The following ANKRD13A variants were observed in gnomAD, a reference collection of about 807,000 sequenced individuals.
ANKRD13A encodes ankyrin repeat domain-containing protein 13A.
In ANKRD13A, 48 loss-of-function variants were observed where a neutral mutation model predicts 81.3. The ratio of observed to expected loss-of-function variants is 0.59; its 90% CI spans 0.47 to 0.75. ANKRD13A has a LOEUF of 0.75. Among genes scored for constraint, ANKRD13A ranks in the 30% least tolerant of loss-of-function variants. The probability of loss-of-function intolerance (pLI) is 0.00; values close to 1 mark genes in which losing one functional copy is unlikely to be tolerated. For missense variants in ANKRD13A, 612 were observed against 734.0 expected (o/e 0.83, Z 1.92); for synonymous variants, 230 against 270.1 (o/e 0.85, Z 1.45).
At position 110,030,238 on chromosome 12, in the gene ANKRD13A, CT is replaced by C. The variant is rs574190431; in HGVS notation, c.1235-406del. ...CTGGAATGAAGTGGCATGATCTTGG[CT>C]CACTGCAACCTCTGCCTCCTGGGTT... On this transcript the variant is annotated intron_variant, in intron 11 of 14. Coordinates refer to ENST00000261739, the MANE Select transcript of ANKRD13A (RefSeq NM_033121.2). Among the ~76,000 whole-genome samples, 390 of 151,870 alleles carry C rather than the reference CT, an allele frequency of 2.6e-3. 4 individuals are homozygous for C. Among genetic ancestry groups the C allele is most frequent in the African/African-American group, 5.9e-3 (244 of 41,420 alleles).
chr12:110,028,433 C>T lies in ANKRD13A; in HGVS notation c.946-79C>T. 5 of 1,558,034 alleles carry T rather than the reference C, an allele frequency of 3.2e-6. No individual in the cohort carries two copies. In the South Asian group the frequency reaches 5.8e-5, roughly 18 times the overall value. On this transcript the variant is annotated intron_variant, in intron 9 of 14. Transcript: ENST00000261739. ...GTCTTTAGCTGGTTAACACGTCCAC[C>T]TCAGACACTGAGTGCCACAGGCCTT...
chr12:110,011,926 C>G (rs1890544329), intron 1 of ANKRD13A, 79 bp from the exon 2 acceptor site: 4 of 1,391,994 alleles, frequency 2.9e-6, no homozygotes, highest in Non-Finnish European at 3.9e-6. Context: ...ATTTTTTGTA[C>G]TTGAAATATC....
At chr12:110,029,452 A>C in intron 10 of ANKRD13A, 26 bp from the exon 11 acceptor site, 1 of 1,600,382 alleles carries the variant, frequency 6.2e-7, no homozygotes, top group South Asian at 1.1e-5. Flanking sequence ...AGATGACCTC[A>C]GTCTTTTCTT....
At chr12:110,028,359 C>A in intron 9 of ANKRD13A, 153 bp from the exon 10 acceptor site, 1 of 715,142 alleles carries the variant, frequency 1.4e-6, no homozygotes, top group Non-Finnish European at 2.3e-6. Flanking sequence ...GTGATATCCT[C>A]ATAGATTTTC....
At position 110,028,582 on chromosome 12, in the gene ANKRD13A, A is replaced by G; in HGVS notation, c.1016A>G (p.Glu339Gly). The change falls in exon 10 of 15, where the codon GAG (glutamate) becomes GGG (glycine). Residue 339 changes from glutamate (E) to glycine (G), a missense_variant. Coordinates refer to ENST00000261739, the MANE Select transcript of ANKRD13A (RefSeq NM_033121.2). Reference sequence around the variant, plus strand: ...ACGCCTGATGAGTACTTCAATGAAGAGTTTGATCTGAAAGACAGGGACATT... The same window carrying G: ...ACGCCTGATGAGTACTTCAATGAAGGGTTTGATCTGAAAGACAGGGACATT... ...AITPDEYFNEEFDLKDRDIGR... is the reference protein window; with the variant it reads ...AITPDEYFNEGFDLKDRDIGR... The G allele has an allele frequency of 1.2e-6, 2 of 1,614,226 alleles. No individual in the cohort carries two copies. Among genetic ancestry groups the G allele is most frequent in the African/African-American group, 2.7e-5 (2 of 75,066 alleles).
At chr12:110,033,202 C>T (rs1236399314) in intron 12 of ANKRD13A, among the ~76,000 whole-genome samples, 6 of 150,678 alleles carry the variant, frequency 4.0e-5, no homozygotes, top group East Asian at 1.9e-4. Context: ...TACAGGTGCC[C>T]GCCACCACGC....
rs569415403 is a variant in ANKRD13A, at chr12:110,030,963, C to T, written c.1348+205C>T. On this transcript the variant is annotated intron_variant, in intron 12 of 14. Coordinates refer to ENST00000261739, the MANE Select transcript of ANKRD13A (RefSeq NM_033121.2). Reference sequence around the variant, plus strand: ...TACAAAAATTAGCCGGGTGTGGTGGCGCATGCCTGTAATCCCAGCTACTCG... The same window carrying T: ...TACAAAAATTAGCCGGGTGTGGTGGTGCATGCCTGTAATCCCAGCTACTCG... Among the ~76,000 whole-genome samples, 37 of 151,932 alleles carry T rather than the reference C, an allele frequency of 2.4e-4. No individual in the cohort carries two copies. In the East Asian group the frequency reaches 3.9e-3, roughly 16 times the overall value.
chr12:110,012,284 G>A (rs1890570335), intron 2 of ANKRD13A, 147 bp downstream of exon 2: 1 of 896,750 alleles, frequency 1.1e-6, no homozygotes, highest in African/African-American at 1.7e-5. Flanking sequence ...AGGATCACCT[G>A]AGCCCGGGGA....
At chr12:110,009,270 G>GGGGTT (rs935786844) in intron 1 of ANKRD13A, among the ~76,000 whole-genome samples, 30 of 152,102 alleles carry the variant, frequency 2.0e-4, no homozygotes, top group African/African-American at 7.0e-4. Context: ...TAGTAGAGAC[G>GGGGTT]GGGTTTCTCC....
chr12:110,029,027 C>T (rs1025962371), intron 10 of ANKRD13A: 5 of 180,980 alleles, frequency 2.8e-5, no homozygotes, highest in Admixed American at 1.1e-4. Flanking sequence ...TGAGCCACTG[C>T]GCCCAGCCTC....
Position 110,028,542 on chromosome 12 carries a change from A to C in ANKRD13A, c.976A>C (p.Asn326His), listed in dbSNP as rs771811225. 1.4e-5 allele frequency: 22 copies of C among 1,614,178 alleles called. No individual in the cohort carries two copies. The highest frequency in any genetic ancestry group is 1.8e-5 in the Non-Finnish European group (21 of 1,180,034). The part of the protein sequence containing the change: ...DLTTECATAN[N>H]PTAITPDEYF... Reference sequence around the variant, plus strand: ...CACCACGGAATGTGCTACTGCAAACAACCCCACAGCCATCACGCCTGATGA... The same window carrying C: ...CACCACGGAATGTGCTACTGCAAACCACCCCACAGCCATCACGCCTGATGA... The change falls in exon 10 of 15, where the codon AAC (asparagine) becomes CAC (histidine). Residue 326 changes from asparagine to histidine, a missense_variant. Asn to His is a moderately conservative substitution (Grantham distance 68, BLOSUM62 1). Coordinates refer to ENST00000261739, the MANE Select transcript of ANKRD13A (RefSeq NM_033121.2).
chr12:110,012,865 A>G (rs983513678), intron 2 of ANKRD13A, among the ~76,000 whole-genome samples: 1 of 152,156 alleles, frequency 6.6e-6, no homozygotes, highest in Non-Finnish European at 1.5e-5. Flanking sequence ...CTGTCTAAAC[A>G]CATTATCAGG....
At chr12:110,008,472 G>A (rs1010150021) in intron 1 of ANKRD13A, among the ~76,000 whole-genome samples, 9 of 152,050 alleles carry the variant, frequency 5.9e-5, no homozygotes, top group Non-Finnish European at 1.2e-4. Context: ...TTCTTGTGAC[G>A]CATTTGTCAT....
At chr12:110,020,042 T>G (rs538970873) in intron 6 of ANKRD13A, among the ~76,000 whole-genome samples, 1 of 152,278 alleles carries the variant, frequency 6.6e-6, no homozygotes, top group East Asian at 1.9e-4. Flanking sequence ...CTAAGAGCAC[T>G]GATAGTATTT....
At chr12:110,029,801 T>C (rs1891569432) in intron 11 of ANKRD13A, among the ~76,000 whole-genome samples, 166 bp downstream of exon 11, 1 of 152,158 alleles carries the variant, frequency 6.6e-6, no homozygotes, top group Non-Finnish European at 1.5e-5. Flanking sequence ...TTTAAAGAAG[T>C]GTTATGATTA....
rs769884391 is a variant in ANKRD13A at position 110,025,837 on chromosome 12, C to T, written c.883+14C>T. ...AGAGATATAAAGGTAATCACCACCA[C>T]CCTCCCACCTCCTGTTTTGTTGTTA... On this transcript the variant is annotated intron_variant, in intron 8 of 14. Coordinates refer to ENST00000261739, the MANE Select transcript of ANKRD13A (RefSeq NM_033121.2). 1 of 1,605,448 alleles carries T rather than the reference C, an allele frequency of 6.2e-7. No homozygotes were observed. The highest frequency in any genetic ancestry group is 1.1e-5 in the South Asian group (1 of 90,598).
chr12:110,036,166 CT>C lies in ANKRD13A; in HGVS notation c.1510-91del. ...ACTATTGATAATGGTCATGGAAAGACTTTTAATTTGGTTCTTGCTGCCATCG... is the reference window on the plus strand; with the variant it reads ...ACTATTGATAATGGTCATGGAAAGACTTTAATTTGGTTCTTGCTGCCATCG... On this transcript the variant is annotated intron_variant, in intron 13 of 14. Transcript: ENST00000261739. This position sits in a 1 kb window ranked among gnomAD's most constrained non-coding sequence, Gnocchi z 4.6. The C allele has an allele frequency of 8.4e-7, 1 of 1,184,878 alleles. No individual in the cohort carries two copies. Among genetic ancestry groups the C allele is most frequent in the Middle Eastern group, 1.9e-4 (1 of 5,158 alleles). 73.4% of individuals were successfully genotyped at this position (1,184,878 alleles called of 1,614,324 possible). A position where few individuals can be genotyped will look rare whatever the true frequency, so the allele number is the denominator to read the frequency against.
At chr12:110,014,725 C>G (rs748473229) in intron 3 of ANKRD13A, among the ~76,000 whole-genome samples, 1 of 151,930 alleles carries the variant, frequency 6.6e-6, no homozygotes, top group Admixed American at 6.6e-5. Context: ...TGGTAAAAAT[C>G]ATGGCAAAGC....
chr12:110,001,463 G>C (rs1157665653), intron 1 of ANKRD13A, among the ~76,000 whole-genome samples: 1 of 147,100 alleles, frequency 6.8e-6, no homozygotes, highest in African/African-American at 2.5e-5. Context: ...TTTTTGAGAT[G>C]GAGTCTCGCT....
Sources: allele counts gnomAD v4.1 joint callset (sites outside exome capture counted in the v4.1 genomes callset), GRCh38; gene constraint gnomAD v4.1.1; non-coding constraint Gnocchi (gnomAD v3.1); transcripts MANE v1.5; gene names NCBI Gene and HGNC (gene_info 2026-07-23, HGNC 2026-07-21).